Variants in MYCT1 observed in about 807,000 individuals in gnomAD.
MYCT1 encodes MYC target 1.
A neutral mutation model predicts 15.0 loss-of-function variants in MYCT1; 12 were observed. The ratio of observed to expected loss-of-function variants is 0.80; its 90% confidence interval spans 0.51 to 1.29. The LOEUF (loss-of-function observed/expected upper bound fraction) is 1.29. Ranked by LOEUF, MYCT1 falls within the 50% of genes most tolerant of loss-of-function variation. The probability of loss-of-function intolerance (pLI) is 0.00; values close to 1 mark genes in which losing one functional copy is unlikely to be tolerated. For synonymous variants in MYCT1, 104 were observed against 102.7 expected, an observed-to-expected ratio of 1.01 and a Z score of -0.07; for missense variants, 287 against 279.1, an observed-to-expected ratio of 1.03 and a Z score of -0.20.
the MYCT1 span, among the ~76,000 whole-genome samples, chr6:152,744,774 A>G: frequency 6.6e-6 from 1 of 152,198 alleles, no homozygotes; most frequent in African/African-American, 2.4e-5. Context: ...GTAGTCCATA[A>G]AGGTCAGCCT....
chr6:152,728,164 GA>G (rs5881002), downstream of MYCT1, among the ~76,000 whole-genome samples: 47,046 of 143,332 alleles, frequency 0.33, 8,573 homozygotes, highest in East Asian at 0.44. Flanking sequence ...CCTCTGTCTG[GA>G]AAAAAAAAAA....
the MYCT1 span, among the ~76,000 whole-genome samples, chr6:152,745,468 G>A: frequency 2.0e-5 from 3 of 151,788 alleles, no homozygotes; most frequent in African/African-American, 7.3e-5. Context: ...AAGTCTAGGG[G>A]AAAAAAAGTT....
intron 1 of MYCT1, among the ~76,000 whole-genome samples, chr6:152,719,283 C>T (rs1348100209): frequency 1.3e-5 from 2 of 152,200 alleles, no homozygotes; most frequent in Admixed American, 6.5e-5. Context: ...CTGCAAGATA[C>T]TCTGGTATTG....
rs1268566577 is a variant in MYCT1, at chr6:152,723,928, GC to G, written c.*1676del. 6.6e-6 allele frequency: 1 copy of G among 152,174 alleles called. No individual in the cohort carries two copies. The highest frequency in any genetic ancestry group is 1.5e-5 in the Non-Finnish European group (1 of 68,040). 9.4% of individuals were successfully genotyped at this position (152,174 alleles called of 1,614,324 possible). On this transcript the variant is annotated 3_prime_UTR_variant, in exon 2 of 2. Coordinates refer to ENST00000367245, the MANE Select transcript of MYCT1 (RefSeq NM_025107.3). ...TTCATTTCCTATTGCAGTGGTCACA[GC>G]TAATAGTGTCTGAACATGGTTCAAG...
chr6:152,699,751 A>G (rs188064268), intron 1 of MYCT1, among the ~76,000 whole-genome samples: 61 of 152,256 alleles, frequency 4.0e-4, no homozygotes, highest in Non-Finnish European at 7.9e-4. Flanking sequence ...TTACTTAAAA[A>G]AACAAATCAT....
chr6:152,738,093 T>C, the MYCT1 span, among the ~76,000 whole-genome samples: 2 of 152,056 alleles, frequency 1.3e-5, no homozygotes, highest in Non-Finnish European at 2.9e-5. Context: ...CCATGGGTCT[T>C]ACATTAAGGG....
downstream of MYCT1, among the ~76,000 whole-genome samples, chr6:152,725,556 G>A (rs1321819308): frequency 6.6e-6 from 1 of 152,192 alleles, no homozygotes; most frequent in African/African-American, 2.4e-5. Flanking sequence ...AAAGCACTGA[G>A]ATCACAGGTG....
At chr6:152,715,795 G>C (rs575583798) in intron 1 of MYCT1, among the ~76,000 whole-genome samples, 4 of 152,150 alleles carry the variant, frequency 2.6e-5, no homozygotes, top group Non-Finnish European at 5.9e-5. Flanking sequence ...TGGGCCCTAA[G>C]TCAGGAGCCA....
intron 1 of MYCT1, among the ~76,000 whole-genome samples, chr6:152,718,016 A>G (rs762959844): frequency 1.3e-5 from 2 of 152,170 alleles, no homozygotes; most frequent in East Asian, 1.9e-4. Context: ...GGATATCTAT[A>G]TAACCCAATA....
At chr6:152,730,498 A>G in the MYCT1 span, among the ~76,000 whole-genome samples, 2 of 152,206 alleles carry the variant, frequency 1.3e-5, no homozygotes, top group Admixed American at 6.5e-5. Context: ...TTGCCCCTCA[A>G]AATTGAAGTG....
At chr6:152,729,933 T>C in the MYCT1 span, among the ~76,000 whole-genome samples, 1 of 152,056 alleles carries the variant, frequency 6.6e-6, no homozygotes, top group African/African-American at 2.4e-5. Flanking sequence ...TGGCTCAAAC[T>C]ATAAAAAGTA....
intron 1 of MYCT1, among the ~76,000 whole-genome samples, chr6:152,702,104 C>A (rs2129068111): frequency 6.6e-6 from 1 of 152,248 alleles, no homozygotes; most frequent in South Asian, 2.1e-4. Context: ...ACAGGGAGGG[C>A]TGGAGAGTGA....
intron 1 of MYCT1, among the ~76,000 whole-genome samples, chr6:152,721,141 A>G (rs1414256799): frequency 6.6e-6 from 1 of 152,174 alleles, no homozygotes; most frequent in Non-Finnish European, 1.5e-5. Context: ...GTCATCAAAG[A>G]GTCAGAGATA....
the MYCT1 span, among the ~76,000 whole-genome samples, chr6:152,743,262 T>C: frequency 1.3e-5 from 2 of 152,096 alleles, no homozygotes; most frequent in Non-Finnish European, 2.9e-5. Context: ...GATAGGGTTA[T>C]GCCATGTTGG....
intron 1 of MYCT1, 96 bp downstream of exon 1, chr6:152,698,194 G>T (rs1347541860): frequency 1.5e-6 from 1 of 684,542 alleles, no homozygotes; most frequent in South Asian, 3.0e-5. Context: ...GAGACATTTT[G>T]TTTACTATAA....
intron 1 of MYCT1, among the ~76,000 whole-genome samples, chr6:152,718,713 C>A (rs2099724173): frequency 6.6e-6 from 1 of 152,082 alleles, no homozygotes; most frequent in African/African-American, 2.4e-5. Flanking sequence ...TACACAGAGA[C>A]CATGTACAAG....
the MYCT1 span, among the ~76,000 whole-genome samples, chr6:152,746,461 C>G: frequency 1.3e-5 from 2 of 152,180 alleles, no homozygotes; most frequent in Non-Finnish European, 2.9e-5. Flanking sequence ...GAATGGCACA[C>G]AGTTTAAAGC....
At chr6:152,745,329 G>A in the MYCT1 span, among the ~76,000 whole-genome samples, 1 of 152,102 alleles carries the variant, frequency 6.6e-6, no homozygotes, top group African/African-American at 2.4e-5. Context: ...CAGGTGCAGT[G>A]GCTCACACCT....
intron 1 of MYCT1, among the ~76,000 whole-genome samples, chr6:152,720,324 C>G (rs2099724461): frequency 6.6e-6 from 1 of 151,974 alleles, no homozygotes; most frequent in Non-Finnish European, 1.5e-5. Flanking sequence ...TCCATTGCAT[C>G]CTACCGTCAA....
Sources: allele counts gnomAD v4.1 joint callset (sites outside exome capture counted in the v4.1 genomes callset), GRCh38; gene constraint gnomAD v4.1.1; transcripts MANE v1.5; gene names NCBI Gene and HGNC (gene_info 2026-07-23, HGNC 2026-07-21).